CSMD3: variants seen among roughly 807,000 people sequenced by gnomAD.
CSMD3 encodes the protein CUB and Sushi multiple domains 3.
A neutral mutation model predicts 435.2 loss-of-function variants in CSMD3; 177 were observed. The observed-to-expected ratio is 0.41, with a 90% CI of 0.36 to 0.46. CSMD3 has a LOEUF of 0.46. Among genes scored for constraint, CSMD3 ranks in the 20% least tolerant of loss-of-function variants. The pLI is 0.34. For synonymous variants in CSMD3, 1,656 were observed against 1,520.5 expected, an observed-to-expected ratio of 1.09 and a Z score of -2.07; for missense variants, 4,265 against 4,504.6, an observed-to-expected ratio of 0.95 and a Z score of 1.52.
intron 54 of CSMD3, among the ~76,000 whole-genome samples, chr8:112,293,518 A>T (rs887573954): frequency 6.6e-6 from 1 of 152,150 alleles, no homozygotes; most frequent in Non-Finnish European, 1.5e-5. Context: ...TGATACACAA[A>T]GGCTGCATTA....
intron 13 of CSMD3, among the ~76,000 whole-genome samples, chr8:112,750,156 AGAAGAGCTTTGTGT>A (rs2077534463): frequency 6.6e-6 from 1 of 152,098 alleles, no homozygotes; most frequent in African/African-American, 2.4e-5. Context: ...GTATGGCATA[AGAAGAGCTTTGTGT>A]GACGTTAAGA....
At chr8:112,893,956 T>C (rs776691523) in intron 10 of CSMD3, among the ~76,000 whole-genome samples, 1 of 111,156 alleles carries the variant, frequency 9.0e-6, no homozygotes, top group African/African-American at 3.4e-5. Context: ...AGAAATGGGC[T>C]ACAAAGGCAC....
At chr8:112,906,596 G>A (rs922285478) in intron 10 of CSMD3, among the ~76,000 whole-genome samples, 1 of 151,438 alleles carries the variant, frequency 6.6e-6, no homozygotes, top group Non-Finnish European at 1.5e-5. Flanking sequence ...AATAAGGTAG[G>A]AAAATTACAC....
chr8:112,225,723 A>G (rs572034519), intron 70 of CSMD3, among the ~76,000 whole-genome samples: 4 of 152,180 alleles, frequency 2.6e-5, no homozygotes, highest in Non-Finnish European at 5.9e-5. Context: ...TGCAAATTCA[A>G]AAATTCAAAG....
At chr8:113,282,867 G>T (rs1043368624) in intron 2 of CSMD3, among the ~76,000 whole-genome samples, 1 of 152,032 alleles carries the variant, frequency 6.6e-6, no homozygotes, top group African/African-American at 2.4e-5. Flanking sequence ...AAAGAGTGTG[G>T]TGCTAACATA....
chr8:113,404,077 A>T (rs1213479580), intron 1 of CSMD3, among the ~76,000 whole-genome samples: 1 of 151,466 alleles, frequency 6.6e-6, no homozygotes, highest in African/African-American at 2.4e-5. Context: ...TAGAATCTCT[A>T]CAGCGAATCT....
At chr8:112,281,613 A>T (rs1250574899) in intron 58 of CSMD3, among the ~76,000 whole-genome samples, 1 of 152,170 alleles carries the variant, frequency 6.6e-6, no homozygotes, top group African/African-American at 2.4e-5. Flanking sequence ...TAAAATAATT[A>T]TTCAAAGAGT....
intron 1 of CSMD3, among the ~76,000 whole-genome samples, chr8:113,368,457 A>T (rs2094327119): frequency 6.6e-6 from 1 of 152,162 alleles, no homozygotes; most frequent in Non-Finnish European, 1.5e-5. Context: ...ATGAGTGTGT[A>T]CGTCTTCTAT....
intron 4 of CSMD3, among the ~76,000 whole-genome samples, chr8:113,159,020 T>G (rs1053324402): frequency 1.3e-5 from 2 of 151,954 alleles, no homozygotes; most frequent in African/African-American, 2.4e-5. Context: ...ATATTGATGG[T>G]TCTTTTTAAG....
At chr8:112,445,282 G>A (rs1815471489) in intron 32 of CSMD3, among the ~76,000 whole-genome samples, 1 of 152,086 alleles carries the variant, frequency 6.6e-6, no homozygotes, top group East Asian at 1.9e-4. Flanking sequence ...TTGTTAATAA[G>A]AAAGGGAGAA....
At chr8:112,478,872 A>G (rs1340786738) in intron 31 of CSMD3, among the ~76,000 whole-genome samples, 1 of 152,134 alleles carries the variant, frequency 6.6e-6, no homozygotes, top group Non-Finnish European at 1.5e-5. Context: ...TGCCTTTTCC[A>G]ATAGTACCTA....
At chr8:112,261,844 C>CT (rs2130358970) in intron 61 of CSMD3, among the ~76,000 whole-genome samples, 1 of 151,804 alleles carries the variant, frequency 6.6e-6, no homozygotes, top group African/African-American at 2.4e-5. Context: ...TTTTTTCAAT[C>CT]TCCTGAGAGG....
chr8:112,340,882 G>C (rs541920020), intron 42 of CSMD3, among the ~76,000 whole-genome samples: 1 of 152,140 alleles, frequency 6.6e-6, no homozygotes, highest in Non-Finnish European at 1.5e-5. Flanking sequence ...ACATTAGATA[G>C]AATAGGAAGA....
At chr8:113,393,320 T>C (rs905804823) in intron 1 of CSMD3, among the ~76,000 whole-genome samples, 3 of 152,050 alleles carry the variant, frequency 2.0e-5, no homozygotes, top group Non-Finnish European at 4.4e-5. Flanking sequence ...CAAGAAGCCA[T>C]TGAGGCTCAA....
At chr8:112,268,893 G>A (rs1397579162) in intron 59 of CSMD3, among the ~76,000 whole-genome samples, 5 of 152,044 alleles carry the variant, frequency 3.3e-5, no homozygotes, top group African/African-American at 9.7e-5. Flanking sequence ...CAAAAGGCAG[G>A]GTTTCTCTAC....
At chr8:112,845,532 TG>T (rs2080294242) in intron 11 of CSMD3, among the ~76,000 whole-genome samples, 1 of 152,044 alleles carries the variant, frequency 6.6e-6, no homozygotes, top group Non-Finnish European at 1.5e-5. Flanking sequence ...AGAAGTGCTT[TG>T]GGGGCTAAAT....
chr8:112,860,356 T>A (rs559084340), intron 10 of CSMD3, among the ~76,000 whole-genome samples: 1 of 151,910 alleles, frequency 6.6e-6, no homozygotes, highest in South Asian at 2.1e-4. Context: ...ATCTTGTGAG[T>A]GTGTGTGTAT....
chr8:113,436,074 CAT>C (rs1431136130), intron 1 of CSMD3, among the ~76,000 whole-genome samples: 1 of 152,112 alleles, frequency 6.6e-6, no homozygotes, highest in Non-Finnish European at 1.5e-5. Flanking sequence ...TCGAAAGCCT[CAT>C]TTTTTGCCAA....
At chr8:112,942,516 G>A (rs945541391) in intron 9 of CSMD3, among the ~76,000 whole-genome samples, 5 of 151,766 alleles carry the variant, frequency 3.3e-5, no homozygotes, top group African/African-American at 4.8e-5. Flanking sequence ...TATATACTGC[G>A]AAATACTATG....
Sources: gnomAD v4.1 joint callset for allele counts (sites outside exome capture counted in the v4.1 genomes callset) on GRCh38, gnomAD v4.1.1 for gene constraint, MANE v1.5 for transcripts, NCBI Gene and HGNC (gene_info 2026-07-23, HGNC 2026-07-21) for gene names.